The following SCRG1 variants were observed in gnomAD, a reference collection of about 807,000 sequenced individuals.
SCRG1 encodes stimulator of chondrogenesis 1, also known as scrapie-responsive protein 1.
SCRG1 carries 3 observed loss-of-function variants against 7.7 expected under a neutral mutation model. The ratio of observed to expected loss-of-function variants is 0.39; its 90% CI spans 0.18 to 1.01. The LOEUF (loss-of-function observed/expected upper bound fraction) is 1.01. Ranked by LOEUF, SCRG1 falls within the 50% of genes least tolerant of loss-of-function variation. SCRG1 has a pLI of 0.36. For synonymous variants in SCRG1, 46 were observed against 41.2 expected (o/e 1.12, Z -0.44); for missense variants, 110 against 117.2 (o/e 0.94, Z 0.28).
chr4:173,415,036 C>T, the SCRG1 span, among the ~76,000 whole-genome samples: 1 of 152,192 alleles, frequency 6.6e-6, no homozygotes, highest in Non-Finnish European at 1.5e-5. Flanking sequence ...CCCTATATCC[C>T]TTGAAAACAG....
the SCRG1 span, chr4:173,467,903 C>T: frequency 6.6e-6 from 1 of 152,300 alleles, no homozygotes; most frequent in East Asian, 1.9e-4. Context: ...GGAAATTGCA[C>T]CCAAATGGAA....
At chr4:173,490,137 T>A in the SCRG1 span, among the ~76,000 whole-genome samples, 1 of 152,166 alleles carries the variant, frequency 6.6e-6, no homozygotes, top group Non-Finnish European at 1.5e-5. Flanking sequence ...ACGCCAAATT[T>A]TGCAACAAAA....
the SCRG1 span, among the ~76,000 whole-genome samples, chr4:173,489,320 C>T: frequency 6.6e-6 from 1 of 152,116 alleles, no homozygotes; most frequent in Non-Finnish European, 1.5e-5. Flanking sequence ...CACATATTAG[C>T]AGAGGAATTA....
chr4:173,405,663 A>G (rs769879637), intron 1 of SCRG1, among the ~76,000 whole-genome samples: 3 of 152,194 alleles, frequency 2.0e-5, no homozygotes, highest in Non-Finnish European at 4.4e-5. Flanking sequence ...TATACTTTGG[A>G]TTAAAATATT....
chr4:173,455,096 A>G, the SCRG1 span, among the ~76,000 whole-genome samples: 1 of 152,096 alleles, frequency 6.6e-6, no homozygotes, highest in African/African-American at 2.4e-5. Flanking sequence ...CCAGGCTTGC[A>G]TCACCCTCTG....
the SCRG1 span, among the ~76,000 whole-genome samples, chr4:173,484,121 C>CAATATATAATAT: frequency 2.2e-5 from 1 of 45,862 alleles, no homozygotes; most frequent in African/African-American, 8.0e-5. Flanking sequence ...ATATAATATA[C>CAATATATAATAT]AATATATAAT....
the SCRG1 span, among the ~76,000 whole-genome samples, chr4:173,512,813 C>G: frequency 6.6e-6 from 1 of 152,238 alleles, no homozygotes; most frequent in Non-Finnish European, 1.5e-5. Context: ...GACCCCTCAG[C>G]CTCTCCAAGG....
At chr4:173,509,879 A>G in the SCRG1 span, among the ~76,000 whole-genome samples, 3 of 151,668 alleles carry the variant, frequency 2.0e-5, no homozygotes, top group Non-Finnish European at 2.9e-5. This position sits in a 1 kb window ranked among gnomAD's most constrained non-coding sequence, Gnocchi z 5.7. Flanking sequence ...ATTCACCCAC[A>G]TGCCTGTTGA....
the SCRG1 span, among the ~76,000 whole-genome samples, chr4:173,507,451 C>A: frequency 5.3e-5 from 8 of 152,198 alleles, no homozygotes; most frequent in African/African-American, 1.7e-4. The surrounding 1 kb of genome is among the most constrained non-coding windows in gnomAD (Gnocchi z 4.4). Flanking sequence ...CTCAGGTGAT[C>A]CACCTGCCTC....
At chr4:173,509,674 C>G in the SCRG1 span, among the ~76,000 whole-genome samples, 98,918 of 152,052 alleles carry the variant, frequency 0.65, 32,618 homozygotes, top group Non-Finnish European at 0.72. This position sits in a 1 kb window ranked among gnomAD's most constrained non-coding sequence, Gnocchi z 5.7. Context: ...CGGCTGCAGC[C>G]GGGAGCGCGG....
chr4:173,489,510 AT>A, the SCRG1 span, among the ~76,000 whole-genome samples: 8,764 of 134,728 alleles, frequency 0.065, 587 homozygotes, highest in African/African-American at 0.17. Flanking sequence ...TGCGTTTCTA[AT>A]TTTTTTTTTT....
At chr4:173,448,573 C>G in the SCRG1 span, among the ~76,000 whole-genome samples, 1 of 152,178 alleles carries the variant, frequency 6.6e-6, no homozygotes, top group Non-Finnish European at 1.5e-5. Flanking sequence ...AAAGTTGTGT[C>G]CCTAGAAAAG....
At chr4:173,484,462 A>ACATATAATATATATTATATATTATATG in the SCRG1 span, among the ~76,000 whole-genome samples, 12 of 20,924 alleles carry the variant, frequency 5.7e-4, no homozygotes, top group East Asian at 0.014. Context: ...TATATTATAT[A>ACATATAATATATATTATATATTATATG]CATATAATAT....
At chr4:173,390,036 A>G (rs4696064) in intron 2 of SCRG1, 215,379 of 241,562 alleles carry the variant, frequency 0.89, 98,619 homozygotes, top group Non-Finnish European at 0.97. Flanking sequence ...ATCATTTTAT[A>G]CCTTTTTTTG....
chr4:173,467,228 T>G, the SCRG1 span, among the ~76,000 whole-genome samples: 1 of 15,552 alleles, frequency 6.4e-5, no homozygotes, highest in Non-Finnish European at 2.2e-4. Context: ...GAGTAAGCAG[T>G]CCATTGGAAA....
At chr4:173,444,052 C>T in the SCRG1 span, among the ~76,000 whole-genome samples, 5 of 151,110 alleles carry the variant, frequency 3.3e-5, no homozygotes, top group African/African-American at 9.8e-5. Context: ...CGGCTCACTG[C>T]GAACTCTGCC....
the SCRG1 span, among the ~76,000 whole-genome samples, chr4:173,502,893 T>C: frequency 1.3e-5 from 2 of 152,328 alleles, no homozygotes; most frequent in Middle Eastern, 3.4e-3. The surrounding 1 kb of genome is among the most constrained non-coding windows in gnomAD (Gnocchi z 4.6). Flanking sequence ...TCAGGCATAA[T>C]TAGGGTCTGA....
In SCRG1 at chr4:173,391,394, A is replaced by C. The variant is rs980867725; in HGVS notation, c.21T>G (p.Val7=). The change falls in exon 2 of 3, where the codon GTT becomes GTG. Residue 7 remains valine (V), a synonymous_variant. Transcript: ENST00000296506. ...GCAGCAAAGTTAGCCCAATGGTGAA[A>C]ACAAGTACCATCAGTTTCATTTTGG... is the stretch of plus-strand genomic sequence containing the variant. The part of the protein sequence containing the change: MKLMVL[V]FTIGLTLLLG... The C allele has an allele frequency of 4.3e-6, 7 of 1,614,198 alleles. No individual in the cohort carries two copies. Among genetic ancestry groups the C allele is most frequent in the Non-Finnish European group, 5.9e-6 (7 of 1,180,024 alleles).
At chr4:173,394,471 T>C (rs1739540749) in intron 1 of SCRG1, among the ~76,000 whole-genome samples, 1 of 151,960 alleles carries the variant, frequency 6.6e-6, no homozygotes, top group Admixed American at 6.6e-5. Flanking sequence ...GGTGAAACCC[T>C]GTCTCTACTA....
Sources: gnomAD v4.1 joint callset for allele counts (sites outside exome capture counted in the v4.1 genomes callset) on GRCh38, gnomAD v4.1.1 for gene constraint, Gnocchi (gnomAD v3.1) non-coding constraint, MANE v1.5 for transcripts, NCBI Gene and HGNC (gene_info 2026-07-23, HGNC 2026-07-21) for gene names.